The following CSMD1 variants were observed in gnomAD, a reference collection of about 807,000 sequenced individuals.
CSMD1 encodes the protein CUB and sushi domain-containing protein 1.
Under a neutral mutation model 417.5 loss-of-function variants are expected in CSMD1, and 213 were observed. The observed-to-expected ratio is 0.51, with a 90% confidence interval of 0.46 to 0.57. CSMD1 has a LOEUF of 0.57. Ranked by LOEUF, CSMD1 falls within the 20% of genes least tolerant of loss-of-function variation. The pLI is 0.00. For synonymous variants in CSMD1, 2,862 were observed against 1,736.8 expected (o/e 1.65, Z -16.11); for missense variants, 6,923 against 4,529.7 (o/e 1.53, Z -15.17).
intron 5 of CSMD1, among the ~76,000 whole-genome samples, chr8:3,778,544 G>T (rs2623657): frequency 0.26 from 39,198 of 151,998 alleles, 5,647 homozygotes; most frequent in African/African-American, 0.39. Flanking sequence ...GCCTGTGCAC[G>T]CTCTTGCCTG....
chr8:4,213,134 T>A (rs1800423337), intron 3 of CSMD1, among the ~76,000 whole-genome samples: 1 of 152,134 alleles, frequency 6.6e-6, no homozygotes, highest in South Asian at 2.1e-4. Flanking sequence ...AAAGACAACA[T>A]CTGGAAAATT....
intron 5 of CSMD1, among the ~76,000 whole-genome samples, chr8:3,927,591 G>T (rs1237249014): frequency 6.7e-6 from 1 of 149,568 alleles, no homozygotes; most frequent in Non-Finnish European, 1.5e-5. Context: ...CTTGAAACTG[G>T]AAGGCGGAGG....
chr8:3,156,969 C>T (rs11989498), intron 39 of CSMD1, among the ~76,000 whole-genome samples: 16,528 of 126,778 alleles, frequency 0.13, 1,333 homozygotes, highest in East Asian at 0.27. Flanking sequence ...AGGTAATACC[C>T]AGATTTGTTG....
At chr8:3,603,568 T>C (rs554222598) in intron 8 of CSMD1, among the ~76,000 whole-genome samples, 1 of 152,296 alleles carries the variant, frequency 6.6e-6, no homozygotes, top group South Asian at 2.1e-4. Flanking sequence ...ATGTTTGAGT[T>C]TCAAAAAATA....
intron 1 of CSMD1, among the ~76,000 whole-genome samples, chr8:4,921,076 AAAAG>A (rs767823930): frequency 6.1e-4 from 93 of 151,238 alleles, no homozygotes; most frequent in Admixed American, 8.6e-4. Flanking sequence ...AAGAGAAAGA[AAAAG>A]AAAGAAAGAA....
At chr8:4,221,258 C>T (rs1429548199) in intron 3 of CSMD1, among the ~76,000 whole-genome samples, 3 of 151,932 alleles carry the variant, frequency 2.0e-5, no homozygotes, top group Non-Finnish European at 4.4e-5. Context: ...AATGTATCAA[C>T]ACCTGCTCTG....
intron 3 of CSMD1, among the ~76,000 whole-genome samples, chr8:4,133,190 C>T (rs1042880690): frequency 3.3e-5 from 5 of 152,126 alleles, no homozygotes; most frequent in African/African-American, 4.8e-5. Flanking sequence ...CCCACCTCAT[C>T]CTCCCAAAGT....
At chr8:4,973,982 A>G (rs536749158) in intron 1 of CSMD1, among the ~76,000 whole-genome samples, 19 of 152,216 alleles carry the variant, frequency 1.2e-4, no homozygotes, top group African/African-American at 4.6e-4. Context: ...AAGCCATCCA[A>G]AGCAAGAAAG....
chr8:3,709,018 A>G (rs994742846), intron 6 of CSMD1, among the ~76,000 whole-genome samples: 1 of 152,194 alleles, frequency 6.6e-6, no homozygotes, highest in East Asian at 1.9e-4. Flanking sequence ...AAAGTGCTAG[A>G]CACCACCAGT....
At chr8:3,792,725 T>C (rs1211584258) in intron 5 of CSMD1, among the ~76,000 whole-genome samples, 1 of 151,566 alleles carries the variant, frequency 6.6e-6, no homozygotes, top group African/African-American at 2.4e-5. Flanking sequence ...GGTGAAAGAG[T>C]TTCAACCAGA....
intron 5 of CSMD1, among the ~76,000 whole-genome samples, chr8:3,791,823 AAATAAT>A: frequency 7.7e-6 from 1 of 129,896 alleles, no homozygotes; most frequent in South Asian, 2.6e-4. Flanking sequence ...ACTCAGTATC[AAATAAT>A]AATAATAATA....
chr8:4,202,222 T>A (rs994441639), intron 3 of CSMD1, among the ~76,000 whole-genome samples: 1 of 152,184 alleles, frequency 6.6e-6, no homozygotes, highest in African/African-American at 2.4e-5. Flanking sequence ...ATGTGACTAT[T>A]TGATGAATTA....
intron 3 of CSMD1, among the ~76,000 whole-genome samples, chr8:4,054,371 A>T (rs1287713228): frequency 6.6e-6 from 1 of 152,072 alleles, no homozygotes; most frequent in African/African-American, 2.4e-5. Context: ...CCTTCATCCC[A>T]TATAGGGGAT....
intron 2 of CSMD1, among the ~76,000 whole-genome samples, chr8:4,566,787 G>C (rs552136692): frequency 2.0e-5 from 3 of 151,348 alleles, no homozygotes; most frequent in Non-Finnish European, 2.9e-5. Context: ...GAATAAAATC[G>C]TATGTTTGTT....
At chr8:4,336,155 A>C (rs1800157169) in intron 3 of CSMD1, among the ~76,000 whole-genome samples, 1 of 152,134 alleles carries the variant, frequency 6.6e-6, no homozygotes, top group South Asian at 2.1e-4. Flanking sequence ...CTCTACCCTG[A>C]ATAATCATAC....
At chr8:3,691,028 A>G (rs943487908) in intron 7 of CSMD1, among the ~76,000 whole-genome samples, 1 of 152,058 alleles carries the variant, frequency 6.6e-6, no homozygotes, top group African/African-American at 2.4e-5. Context: ...CTGGTACTAA[A>G]GTATCTTTTT....
intron 3 of CSMD1, among the ~76,000 whole-genome samples, chr8:4,315,126 C>A (rs1396090911): frequency 6.6e-6 from 1 of 152,158 alleles, no homozygotes; most frequent in African/African-American, 2.4e-5. Context: ...ATCGCAAGAG[C>A]ACCACTCATT....
chr8:4,165,391 C>T (rs1171868830), intron 3 of CSMD1, among the ~76,000 whole-genome samples: 3 of 152,302 alleles, frequency 2.0e-5, no homozygotes, highest in African/African-American at 7.2e-5. Flanking sequence ...AAAGATGTGC[C>T]ATTTGTAGAA....
chr8:3,193,226 AG>A (rs142084637), intron 33 of CSMD1, among the ~76,000 whole-genome samples: 59 of 152,336 alleles, frequency 3.9e-4, no homozygotes, highest in Non-Finnish European at 6.5e-4. Context: ...TATAGCACCA[AG>A]GGTCATTTGT....
Sources: gnomAD v4.1 joint callset for allele counts (sites outside exome capture counted in the v4.1 genomes callset) on GRCh38, gnomAD v4.1.1 for gene constraint, MANE v1.5 for transcripts, NCBI Gene and HGNC (gene_info 2026-07-23, HGNC 2026-07-21) for gene names.